The following TUNAR variants were observed in gnomAD, a reference collection of about 807,000 sequenced individuals.
TUNAR encodes the protein protein TUNAR.
At chr14:95,901,886 T>C (rs1201200402) in intron 2 of TUNAR, among the ~76,000 whole-genome samples, 2 of 152,206 alleles carry the variant, frequency 1.3e-5, no homozygotes, top group African/African-American at 4.8e-5. Flanking sequence ...TGGAAGACTT[T>C]TGCTGCAGGG....
intron 2 of TUNAR, among the ~76,000 whole-genome samples, chr14:95,914,762 T>C (rs1269022220): frequency 6.6e-6 from 1 of 152,240 alleles, no homozygotes; most frequent in East Asian, 1.9e-4. Context: ...TCCTACAAGC[T>C]ACTGTTATCC....
intron 2 of TUNAR, among the ~76,000 whole-genome samples, chr14:95,921,108 C>T (rs73338788): frequency 0.026 from 4,023 of 152,236 alleles, 188 homozygotes; most frequent in African/African-American, 0.09. Flanking sequence ...GGAATGTCAG[C>T]CTTTTTGTTT....
At chr14:95,892,840 C>G (rs1889204678) in intron 2 of TUNAR, among the ~76,000 whole-genome samples, 1 of 152,168 alleles carries the variant, frequency 6.6e-6, no homozygotes, top group East Asian at 1.9e-4. Context: ...CTCTCATTAT[C>G]TGGGAGATGC....
intron 2 of TUNAR, among the ~76,000 whole-genome samples, chr14:95,897,166 A>G (rs962738370): frequency 3.3e-5 from 5 of 152,184 alleles, no homozygotes; most frequent in African/African-American, 1.2e-4. Context: ...CTATAAACTC[A>G]TTTAATCCTC....
At chr14:95,904,859 G>C (rs1306089511) in intron 2 of TUNAR, among the ~76,000 whole-genome samples, 3 of 152,216 alleles carry the variant, frequency 2.0e-5, no homozygotes, top group Admixed American at 2.0e-4. Context: ...CCCTGGCTGA[G>C]GACCTGCGCA....
At chr14:95,899,217 G>T (rs1230198449) in intron 2 of TUNAR, among the ~76,000 whole-genome samples, 1 of 152,204 alleles carries the variant, frequency 6.6e-6, no homozygotes, top group Non-Finnish European at 1.5e-5. Flanking sequence ...GGAGTTCTGT[G>T]GTTGTCAGGA....
At chr14:95,896,976 G>A (rs969188147) in intron 2 of TUNAR, among the ~76,000 whole-genome samples, 8 of 152,192 alleles carry the variant, frequency 5.3e-5, no homozygotes, top group African/African-American at 1.9e-4. Context: ...TCGGGCTTGC[G>A]TTGGAATTTG....
At chr14:95,906,227 G>T (rs1328872506) in intron 2 of TUNAR, among the ~76,000 whole-genome samples, 1 of 151,978 alleles carries the variant, frequency 6.6e-6, no homozygotes, top group African/African-American at 2.4e-5. Flanking sequence ...CCACTGAGCT[G>T]TCATTGCTTT....
intron 2 of TUNAR, among the ~76,000 whole-genome samples, chr14:95,892,761 T>C (rs1434004285): frequency 2.6e-5 from 4 of 152,226 alleles, no homozygotes; most frequent in Admixed American, 6.5e-5. Context: ...CTGAGCACCA[T>C]GCAGGGCTGC....
At chr14:95,921,219 C>A (rs1183023897) in intron 2 of TUNAR, among the ~76,000 whole-genome samples, 1 of 152,232 alleles carries the variant, frequency 6.6e-6, no homozygotes, top group African/African-American at 2.4e-5. Flanking sequence ...CTGACACACA[C>A]ACCCAGAATA....
intron 2 of TUNAR, among the ~76,000 whole-genome samples, chr14:95,883,642 G>C (rs1054737199): frequency 1.3e-5 from 2 of 152,186 alleles, no homozygotes; most frequent in Admixed American, 1.3e-4. Context: ...TTGGAGGCAC[G>C]CTGGGGCTGG....
At chr14:95,882,253 G>A (rs890648674) in intron 2 of TUNAR, among the ~76,000 whole-genome samples, 2 of 146,696 alleles carry the variant, frequency 1.4e-5, no homozygotes, top group South Asian at 2.2e-4. Flanking sequence ...TCAGCTCTGG[G>A]CTAGATTTCT....
chr14:95,920,671 C>T (rs574241864), intron 2 of TUNAR, among the ~76,000 whole-genome samples: 1 of 152,294 alleles, frequency 6.6e-6, no homozygotes, highest in South Asian at 2.1e-4. Context: ...TCCAGAGCCG[C>T]TCTGTAAGGT....
intron 2 of TUNAR, among the ~76,000 whole-genome samples, chr14:95,908,709 G>A (rs1889464618): frequency 6.6e-6 from 1 of 152,170 alleles, no homozygotes; most frequent in Non-Finnish European, 1.5e-5. Context: ...CCCTCTCCAT[G>A]TACACTATTG....
At chr14:95,922,560 G>A (rs1054649175) in intron 2 of TUNAR, among the ~76,000 whole-genome samples, 1 of 152,174 alleles carries the variant, frequency 6.6e-6, no homozygotes, top group African/African-American at 2.4e-5. Context: ...TCCTCTCTCT[G>A]TACCAATGTC....
chr14:95,913,985 C>T (rs1337369734), intron 2 of TUNAR, among the ~76,000 whole-genome samples: 1 of 152,248 alleles, frequency 6.6e-6, no homozygotes, highest in Non-Finnish European at 1.5e-5. Flanking sequence ...CCCGCCTTGG[C>T]CTCCCAAAGT....
exon 3 of TUNAR, chr14:95,925,317 G>C (rs1421299976): frequency 1.3e-5 from 2 of 152,214 alleles, no homozygotes; most frequent in Admixed American, 6.5e-5. Flanking sequence ...CAAGAAAGGA[G>C]GTGGAGAGGA....
chr14:95,923,037 A>C (rs1889722832), exon 3 of TUNAR: 1 of 398,712 alleles, frequency 2.5e-6, no homozygotes, highest in African/African-American at 2.1e-5. Flanking sequence ...CGCATCACTG[A>C]CCAGACCCTG....
chr14:95,903,193 G>A (rs1051469437), intron 2 of TUNAR, among the ~76,000 whole-genome samples: 5 of 152,152 alleles, frequency 3.3e-5, no homozygotes, highest in East Asian at 1.9e-4. Context: ...TGTTTCTCCC[G>A]CTCGCTGATT....
Sources: allele counts gnomAD v4.1 joint callset (sites outside exome capture counted in the v4.1 genomes callset), GRCh38; gene constraint gnomAD v4.1.1; transcripts MANE v1.5; gene names NCBI Gene and HGNC (gene_info 2026-07-23, HGNC 2026-07-21).